The following SLC2A5 variants were observed in gnomAD, a reference collection of about 807,000 sequenced individuals.
SLC2A5 encodes the protein solute carrier family 2, facilitated glucose transporter member 5.
In SLC2A5, 56 loss-of-function variants were observed where a neutral mutation model predicts 50.3. That is an observed-to-expected ratio of 1.11 (90% confidence interval 0.90 to 1.39). SLC2A5 has a LOEUF of 1.39. Among genes scored for constraint, SLC2A5 ranks in the 40% most tolerant of loss-of-function variants. The pLI, the probability that SLC2A5 is intolerant of heterozygous loss-of-function variation, is 0.00. For missense variants in SLC2A5, 566 were observed against 650.1 expected (o/e 0.87, Z 1.41); for synonymous variants, 269 against 281.9 (o/e 0.95, Z 0.46).
chr1:9,059,136 C>CTTT (rs869052429), intron 1 of SLC2A5, among the ~76,000 whole-genome samples: 9 of 53,920 alleles, frequency 1.7e-4, no homozygotes, highest in African/African-American at 3.1e-4. Context: ...GCCTTTCTTT[C>CTTT]TTTTTTTTTT....
intron 4 of SLC2A5, among the ~76,000 whole-genome samples, chr1:9,043,875 C>A (rs1391411410): frequency 6.6e-6 from 1 of 151,880 alleles, no homozygotes; most frequent in Non-Finnish European, 1.5e-5. Context: ...GCGCCCGCCA[C>A]CACGCCTGGC....
chr1:9,052,248 C>T (rs1641598182), intron 3 of SLC2A5, among the ~76,000 whole-genome samples: 1 of 152,066 alleles, frequency 6.6e-6, no homozygotes. Context: ...TGTGCCTCTG[C>T]ACTCCAGCCT....
chr1:9,053,080 T>TTAATATATAATATATATTTATATA (rs1557669770), intron 3 of SLC2A5, among the ~76,000 whole-genome samples: 11 of 69,136 alleles, frequency 1.6e-4, no homozygotes, highest in East Asian at 6.2e-4. Flanking sequence ...TATTTATATA[T>TTAATATATAATATATATTTATATA]TAATATATAA....
chr1:9,071,359 T>C (rs61785811), upstream of SLC2A5, among the ~76,000 whole-genome samples: 2,336 of 152,102 alleles, frequency 0.015, 63 homozygotes, highest in African/African-American at 0.053. Flanking sequence ...GCAGCGCACC[T>C]AGATCACACC....
At chr1:9,050,306 T>G (rs182527249) in intron 3 of SLC2A5, among the ~76,000 whole-genome samples, 1 of 151,472 alleles carries the variant, frequency 6.6e-6, no homozygotes, top group Non-Finnish European at 1.5e-5. Context: ...ATTCAAAAAT[T>G]TGCTGGGCAC....
At chr1:9,081,692 C>T (rs1642355195) in intron 2 of SLC2A5, among the ~76,000 whole-genome samples, 2 of 152,028 alleles carry the variant, frequency 1.3e-5, no homozygotes, top group African/African-American at 4.8e-5. Context: ...AGATACTTGG[C>T]ATCATTACTC....
intron 4 of SLC2A5, among the ~76,000 whole-genome samples, chr1:9,044,057 T>C (rs937209728): frequency 1.3e-5 from 2 of 151,204 alleles, no homozygotes; most frequent in African/African-American, 4.9e-5. Context: ...TGCTGGACAC[T>C]GTAGCTCACC....
At chr1:9,059,158 T>C (rs1314929156) in intron 1 of SLC2A5, among the ~76,000 whole-genome samples, 5 of 97,480 alleles carry the variant, frequency 5.1e-5, no homozygotes, top group Admixed American at 1.2e-4. Context: ...TTTTTTTTTT[T>C]TTGACACAGA....
chr1:9,042,599 GTGTGTGTGTGTGTATGTGTATATATA>G (rs1278716661), intron 4 of SLC2A5, among the ~76,000 whole-genome samples: 1 of 149,856 alleles, frequency 6.7e-6, no homozygotes, highest in Non-Finnish European at 1.5e-5. Flanking sequence ...GCCTCTGTGT[GTGTGTGTGTGTGTATGTGTATATATA>G]TGTGTGTGTG....
chr1:9,072,472 A>G (rs1705285), upstream of SLC2A5: 48,177 of 152,024 alleles, frequency 0.32, 7,931 homozygotes, highest in Middle Eastern at 0.4. Context: ...CTGGATTTGG[A>G]AGTGGGGAGA....
intron 5 of SLC2A5, chr1:9,041,125 G>C (rs1641291136): frequency 2.9e-6 from 1 of 350,038 alleles, no homozygotes; most frequent in African/African-American, 2.1e-5. Flanking sequence ...TGATCCACTT[G>C]ACTGACTTGC....
intron 3 of SLC2A5, among the ~76,000 whole-genome samples, chr1:9,048,141 A>G (rs1235319903): frequency 1.3e-5 from 2 of 152,258 alleles, no homozygotes; most frequent in Non-Finnish European, 2.9e-5. Context: ...GGATGCCACA[A>G]TCCTAAATGA....
At chr1:9,056,315 A>G (rs1039119514) in intron 3 of SLC2A5, among the ~76,000 whole-genome samples, 1 of 152,050 alleles carries the variant, frequency 6.6e-6, no homozygotes, top group Non-Finnish European at 1.5e-5. Flanking sequence ...CCTCCCGAGT[A>G]GGGGGGTTAC....
At chr1:9,070,680 G>A (rs1642195227), upstream of SLC2A5, among the ~76,000 whole-genome samples, 1 of 152,218 alleles carries the variant, frequency 6.6e-6, no homozygotes, top group South Asian at 2.1e-4. Context: ...TTGCTGTGGC[G>A]TAAATCCAGT....
Position 9,058,221 on chromosome 1 carries a change from G to T in SLC2A5, c.63C>A (p.Thr21=), listed in dbSNP as rs772802732. Residue 21 remains threonine, a synonymous_variant, in exon 2 of 12, where the codon ACC becomes ACA. Transcript: ENST00000377424. ...AGGATGACCCAAAGGCAGCTATCAG[G>T]GTTGCCAGGGCAAGCACAAGCGTCA... ...GRLTLVLALA[T]LIAAFGSSFQ... 6.2e-7 allele frequency: 1 copy of T among 1,614,078 alleles called. No individual in the cohort carries two copies. The highest frequency in any genetic ancestry group is 2.2e-5 in the East Asian group (1 of 44,890).
intron 3 of SLC2A5, among the ~76,000 whole-genome samples, chr1:9,052,767 C>T (rs1196692212): frequency 6.6e-6 from 1 of 151,700 alleles, no homozygotes; most frequent in Non-Finnish European, 1.5e-5. Context: ...CCAGTAATCT[C>T]AGCACTTTCA....
chr1:9,050,596 G>A (rs544212652), intron 3 of SLC2A5, among the ~76,000 whole-genome samples: 1 of 152,056 alleles, frequency 6.6e-6, no homozygotes, highest in African/African-American at 2.4e-5. Context: ...AATATAAAAT[G>A]CAAAACTATA....
intron 1 of SLC2A5, among the ~76,000 whole-genome samples, chr1:9,061,094 G>A (rs1258318600): frequency 2.0e-5 from 3 of 151,646 alleles, no homozygotes; most frequent in Admixed American, 6.6e-5. Flanking sequence ...CAGCCAGCCC[G>A]GGCAACATGG....
At chr1:9,052,350 G>A (rs1641601120) in intron 3 of SLC2A5, among the ~76,000 whole-genome samples, 1 of 152,166 alleles carries the variant, frequency 6.6e-6, no homozygotes, top group South Asian at 2.1e-4. Context: ...TCTGGGAAAG[G>A]CAAACTATGG....
Sources: gnomAD v4.1 joint callset for allele counts (sites outside exome capture counted in the v4.1 genomes callset) on GRCh38, gnomAD v4.1.1 for gene constraint, MANE v1.5 for transcripts, NCBI Gene and HGNC (gene_info 2026-07-23, HGNC 2026-07-21) for gene names.